EBF1: variants seen among roughly 807,000 people sequenced by gnomAD.
EBF1 encodes transcription factor COE1.
Under a neutral mutation model 68.4 loss-of-function variants are expected in EBF1, and 10 were observed. The ratio of observed to expected loss-of-function variants is 0.15; its 90% CI spans 0.09 to 0.25. The LOEUF is 0.25. Ranked by LOEUF, EBF1 falls within the 10% of genes least tolerant of loss-of-function variation. The pLI, the probability that EBF1 is intolerant of heterozygous loss-of-function variation, is 1.00. For missense variants in EBF1, 509 were observed against 794.4 expected (o/e 0.64, Z 4.32); for synonymous variants, 298 against 299.8 (o/e 0.99, Z 0.06).
intron 6 of EBF1, among the ~76,000 whole-genome samples, chr5:159,025,984 C>T (rs1446144952): frequency 1.3e-5 from 2 of 152,158 alleles, no homozygotes; most frequent in African/African-American, 2.4e-5. Context: ...AAAAATACAA[C>T]AGCGAAACAA....
intron 7 of EBF1, among the ~76,000 whole-genome samples, chr5:158,838,552 A>G (rs1247260358): frequency 2.0e-5 from 3 of 152,134 alleles, no homozygotes; most frequent in Non-Finnish European, 4.4e-5. Context: ...ATACCTCAGA[A>G]TCTCAGGAGA....
At chr5:159,088,148 G>A (rs1451110103) in intron 4 of EBF1, among the ~76,000 whole-genome samples, 1 of 152,094 alleles carries the variant, frequency 6.6e-6, no homozygotes, top group Non-Finnish European at 1.5e-5. Flanking sequence ...AGCAGTTTTT[G>A]TTACTGAAAA....
chr5:159,020,258 C>T (rs1766407538), intron 6 of EBF1, among the ~76,000 whole-genome samples: 1 of 152,102 alleles, frequency 6.6e-6, no homozygotes, highest in South Asian at 2.1e-4. Flanking sequence ...GGACTGAGTT[C>T]CTTGAATTCG....
At chr5:158,775,801 C>CACACACACACATGCACACAG (rs1775085884) in intron 10 of EBF1, among the ~76,000 whole-genome samples, 6 of 149,782 alleles carry the variant, frequency 4.0e-5, no homozygotes, top group African/African-American at 1.5e-4. Flanking sequence ...CACACACACA[C>CACACACACACATGCACACAG]ACACACACAC....
intron 6 of EBF1, among the ~76,000 whole-genome samples, chr5:158,937,523 G>A (rs891604635): frequency 1.3e-5 from 2 of 152,170 alleles, no homozygotes. Context: ...AAGGGTGTAG[G>A]CACACCGATG....
At chr5:158,746,370 G>A (rs1767563101) in intron 10 of EBF1, among the ~76,000 whole-genome samples, 1 of 152,160 alleles carries the variant, frequency 6.6e-6, no homozygotes, top group Non-Finnish European at 1.5e-5. Flanking sequence ...TATTTTGGGT[G>A]GGGAGGATGA....
At chr5:158,723,383 T>C (rs1407843148) in intron 11 of EBF1, among the ~76,000 whole-genome samples, 2 of 152,172 alleles carry the variant, frequency 1.3e-5, no homozygotes, top group African/African-American at 4.8e-5. Context: ...TTCTGCGATG[T>C]ATTAGCAGCG....
At chr5:159,098,773 G>A (rs1783104404) in intron 1 of EBF1, among the ~76,000 whole-genome samples, 1 of 136,660 alleles carries the variant, frequency 7.3e-6, no homozygotes, top group Non-Finnish European at 1.5e-5. Context: ...AAAGGAAGAG[G>A]AAGGAGAAGA....
intron 6 of EBF1, among the ~76,000 whole-genome samples, chr5:158,948,356 AGGGATGTACACT>A (rs1480537168): frequency 6.7e-6 from 1 of 149,706 alleles, no homozygotes; most frequent in Non-Finnish European, 1.5e-5. Context: ...CCCCTCACAG[AGGGATGTACACT>A]GGAATGTTTA....
chr5:158,767,979 G>A (rs1773106675), intron 10 of EBF1, among the ~76,000 whole-genome samples: 1 of 152,120 alleles, frequency 6.6e-6, no homozygotes, highest in African/African-American at 2.4e-5. Context: ...GGGAAGCAGG[G>A]GAGCATGATT....
chr5:158,731,785 A>G (rs1159808446), intron 10 of EBF1, among the ~76,000 whole-genome samples: 2 of 152,178 alleles, frequency 1.3e-5, no homozygotes, highest in Non-Finnish European at 2.9e-5. Flanking sequence ...CAACATTGAT[A>G]TTATTTGGGA....
rs1327470359 is a variant in EBF1, at chr5:158,925,870, T to C, written c.555-85760A>G. ...TTTTAAACTGAGAAGGTCATGCTCTTGGAAGAGAATCAGTGTGCTAATACA... is the reference window on the plus strand; with the variant it reads ...TTTTAAACTGAGAAGGTCATGCTCTCGGAAGAGAATCAGTGTGCTAATACA... On this transcript the variant is annotated intron_variant, in intron 6 of 15. Coordinates refer to ENST00000313708, the MANE Select transcript of EBF1 (RefSeq NM_024007.5). 2.6e-5 allele frequency among the ~76,000 whole-genome samples: 4 copies of C among 152,226 alleles called. No homozygotes were observed. The East Asian group carries it at 7.7e-4, about 29-fold the overall frequency.
intron 6 of EBF1, among the ~76,000 whole-genome samples, chr5:158,974,053 C>T (rs909678118): frequency 2.0e-5 from 3 of 152,168 alleles, no homozygotes; most frequent in Admixed American, 1.3e-4. Flanking sequence ...CCACAGTGAA[C>T]GTGTTTGTAG....
chr5:158,999,534 C>T (rs1762109586), intron 6 of EBF1, among the ~76,000 whole-genome samples: 1 of 152,174 alleles, frequency 6.6e-6, no homozygotes, highest in Admixed American at 6.5e-5. Flanking sequence ...TCTTAAAATG[C>T]TGTAACTATA....
At chr5:158,960,553 G>A (rs36124395) in intron 6 of EBF1, among the ~76,000 whole-genome samples, 56,865 of 152,072 alleles carry the variant, frequency 0.37, 10,910 homozygotes, top group South Asian at 0.6. Context: ...AGGGCAAACT[G>A]GAGGAAAATG....
intron 6 of EBF1, among the ~76,000 whole-genome samples, chr5:158,914,615 G>T (rs987728934): frequency 1.7e-4 from 26 of 152,138 alleles, no homozygotes; most frequent in African/African-American, 6.3e-4. Flanking sequence ...AAAAGAAAAG[G>T]AGGGGGGGAA....
At chr5:159,040,782 C>A (rs1771044928) in intron 6 of EBF1, among the ~76,000 whole-genome samples, 1 of 152,200 alleles carries the variant, frequency 6.6e-6, no homozygotes, top group African/African-American at 2.4e-5. Context: ...CCATTAAAAG[C>A]AACACAGACT....
intron 6 of EBF1, among the ~76,000 whole-genome samples, chr5:159,001,674 T>C (rs1020361291): frequency 1.3e-5 from 2 of 152,208 alleles, no homozygotes; most frequent in Admixed American, 6.5e-5. Flanking sequence ...TAAAGTTGTT[T>C]AGATTTTTAA....
chr5:158,927,891 A>C lies in EBF1; in HGVS notation c.555-87781T>G, dbSNP rs371111970. Reference sequence around the variant, plus strand: ...CTCTTTACAGTTGAGGAAGCTCAGGATGAGGGTGTTTAAACAGATTGCCTA... The same window carrying C: ...CTCTTTACAGTTGAGGAAGCTCAGGCTGAGGGTGTTTAAACAGATTGCCTA... On this transcript the variant is annotated intron_variant, in intron 6 of 15. Transcript: ENST00000313708. Among the ~76,000 whole-genome samples, 280 of 152,364 alleles carry C rather than the reference A, an allele frequency of 1.8e-3. 1 individual carries two copies. The highest frequency in any genetic ancestry group is 6.6e-3 in the African/African-American group (274 of 41,580).
Sources: gnomAD v4.1 joint callset for allele counts (sites outside exome capture counted in the v4.1 genomes callset) on GRCh38, gnomAD v4.1.1 for gene constraint, MANE v1.5 for transcripts, NCBI Gene and HGNC (gene_info 2026-07-23, HGNC 2026-07-21) for gene names.